The following ZNF407 variants were observed in gnomAD, a reference collection of about 807,000 sequenced individuals.
The protein encoded by ZNF407 is zinc finger protein 407.
A neutral mutation model predicts 131.2 loss-of-function variants in ZNF407; 17 were observed. The observed-to-expected ratio is 0.13, with a 90% confidence interval of 0.09 to 0.19. The LOEUF is 0.19. ZNF407 is among the 10% of genes least tolerant of loss of function. The pLI is 1.00. For synonymous variants in ZNF407, 1,156 were observed against 1,062.0 expected (o/e 1.09, Z -1.72); for missense variants, 2,681 against 2,830.6 (o/e 0.95, Z 1.20).
rs1240924436 is a variant in ZNF407, at chr18:74,633,649, A to G, written c.2630A>G (p.Tyr877Cys). 1.2e-6 allele frequency: 2 copies of G among 1,614,064 alleles called. No homozygotes were observed. Among genetic ancestry groups the G allele is most frequent in the East Asian group, 2.2e-5 (1 of 44,888 alleles). ...ATTAGACGAAAACACAGTCACCAGTATAGTTATTTATGCAAAGTGTGTAAG... is the reference window on the plus strand; with the variant it reads ...ATTAGACGAAAACACAGTCACCAGTGTAGTTATTTATGCAAAGTGTGTAAG... Reference protein sequence around the residue: ...VHIRRKHSHQYSYLCKVCKYY... With the variant: ...VHIRRKHSHQCSYLCKVCKYY... The change falls in exon 2 of 9, where the codon TAT becomes TGT. Residue 877 changes from tyrosine (Y) to cysteine (C), a missense_variant. Coordinates refer to ENST00000299687, the MANE Select transcript of ZNF407 (RefSeq NM_017757.3).
chr18:74,738,176 CT>C (rs1968461716), intron 3 of ZNF407, among the ~76,000 whole-genome samples: 1 of 152,028 alleles, frequency 6.6e-6, no homozygotes, highest in South Asian at 2.1e-4. Flanking sequence ...AATCCCAGCA[CT>C]TTGGGAGGCC....
At chr18:74,929,927 G>T (rs1018766456) in intron 8 of ZNF407, among the ~76,000 whole-genome samples, 3 of 152,192 alleles carry the variant, frequency 2.0e-5, no homozygotes, top group African/African-American at 7.2e-5. Context: ...TGCAGAAATA[G>T]TACAGAGAGT....
intron 8 of ZNF407, among the ~76,000 whole-genome samples, chr18:74,956,885 T>G (rs1972281645): frequency 6.6e-6 from 1 of 152,196 alleles, no homozygotes; most frequent in Non-Finnish European, 1.5e-5. Context: ...TCGTAATCAC[T>G]AAATTTTGTG....
chr18:74,876,107 A>T (rs1338473137), intron 4 of ZNF407, among the ~76,000 whole-genome samples: 1 of 152,208 alleles, frequency 6.6e-6, no homozygotes, highest in African/African-American at 2.4e-5. Context: ...TAAAGACTCT[A>T]TGTGAAAGTA....
chr18:74,636,653 A>G, intron 2 of ZNF407, among the ~76,000 whole-genome samples: 1 of 152,226 alleles, frequency 6.6e-6, no homozygotes, highest in Non-Finnish European at 1.5e-5. Flanking sequence ...GTGCATGGTT[A>G]CGAGGAAGAA....
intron 3 of ZNF407, among the ~76,000 whole-genome samples, chr18:74,681,092 C>A (rs565581559): frequency 5.9e-5 from 9 of 152,152 alleles, no homozygotes; most frequent in Admixed American, 2.6e-4. Flanking sequence ...GAGAAATGTA[C>A]ATAAAGGTTC....
intron 8 of ZNF407, among the ~76,000 whole-genome samples, chr18:75,004,184 C>A (rs115044854): frequency 6.6e-6 from 1 of 152,086 alleles, no homozygotes; most frequent in Non-Finnish European, 1.5e-5. Context: ...CCGCGGTGCA[C>A]GTCGTAGCAC....
At chr18:74,751,126 A>G (rs929562872) in intron 3 of ZNF407, among the ~76,000 whole-genome samples, 1 of 152,016 alleles carries the variant, frequency 6.6e-6, no homozygotes. Context: ...TTTAATTTTC[A>G]TGAATTTCAA....
chr18:74,679,181 C>T (rs1966923935), intron 3 of ZNF407, among the ~76,000 whole-genome samples: 3 of 152,170 alleles, frequency 2.0e-5, no homozygotes, highest in South Asian at 4.1e-4. Context: ...GCACAGGAAA[C>T]GTTAATTCTA....
chr18:74,656,088 A>G (rs919770704), intron 3 of ZNF407, among the ~76,000 whole-genome samples: 4 of 152,150 alleles, frequency 2.6e-5, no homozygotes, highest in African/African-American at 9.7e-5. Context: ...GCTTCTGTAT[A>G]CATTTATCAT....
chr18:74,711,321 G>A (rs1967756170), intron 3 of ZNF407, among the ~76,000 whole-genome samples: 1 of 152,168 alleles, frequency 6.6e-6, no homozygotes, highest in African/African-American at 2.4e-5. Flanking sequence ...AGTTGCAGTG[G>A]AATTTAAGGT....
intron 3 of ZNF407, among the ~76,000 whole-genome samples, chr18:74,698,858 G>T (rs1441504545): frequency 6.6e-6 from 1 of 152,046 alleles, no homozygotes; most frequent in Non-Finnish European, 1.5e-5. Flanking sequence ...CTCTTAATTT[G>T]TTCCCCTCTT....
At chr18:74,972,508 A>G (rs897401749) in intron 8 of ZNF407, among the ~76,000 whole-genome samples, 1 of 150,828 alleles carries the variant, frequency 6.6e-6, no homozygotes, top group Admixed American at 6.6e-5. Context: ...CCTTTCTTTC[A>G]CTCCCTGCTT....
At position 74,877,124 on chromosome 18, in the gene ZNF407, A is replaced by C. The variant is rs1599214857; in HGVS notation, c.4878-73A>C. 2.1e-6 allele frequency: 3 copies of C among 1,417,950 alleles called. No homozygotes were observed. The East Asian group carries it at 6.8e-5, about 32-fold the overall frequency. The allele number at this position is 1,417,950 out of a possible 1,614,324, so 87.8% of individuals were successfully genotyped here. On this transcript the variant is annotated intron_variant, in intron 4 of 8. Transcript: ENST00000299687. ...GTGTGCACCGCACCTCAGGGTTCGCACACGCGCTGCCTGGGGCCTTCGGTG... is the reference window on the plus strand; with the variant it reads ...GTGTGCACCGCACCTCAGGGTTCGCCCACGCGCTGCCTGGGGCCTTCGGTG...
intron 4 of ZNF407, among the ~76,000 whole-genome samples, chr18:74,846,984 A>G (rs539388071): frequency 3.1e-4 from 40 of 128,882 alleles, no homozygotes; most frequent in African/African-American, 1.0e-3. Flanking sequence ...ACAGAGCAAG[A>G]CTTAGTCTCA....
chr18:74,761,913 T>C (rs568152648), intron 3 of ZNF407, among the ~76,000 whole-genome samples: 1 of 152,306 alleles, frequency 6.6e-6, no homozygotes, highest in African/African-American at 2.4e-5. Flanking sequence ...TTTTGTCATG[T>C]GTAGCTTCTC....
At chr18:74,901,599 T>G (rs762734880) in intron 7 of ZNF407, among the ~76,000 whole-genome samples, 44 of 152,338 alleles carry the variant, frequency 2.9e-4, no homozygotes, top group Non-Finnish European at 4.0e-4. Flanking sequence ...AAGTGTGTCA[T>G]CTGGAACCAT....
At chr18:74,840,950 A>T (rs918430003) in intron 4 of ZNF407, among the ~76,000 whole-genome samples, 20 of 152,176 alleles carry the variant, frequency 1.3e-4, no homozygotes, top group African/African-American at 4.6e-4. Context: ...GTGAGAACAC[A>T]TGACTCATTT....
chr18:74,788,885 G>GATT (rs921379692), intron 4 of ZNF407, among the ~76,000 whole-genome samples: 3 of 150,856 alleles, frequency 2.0e-5, no homozygotes, highest in African/African-American at 7.3e-5. Flanking sequence ...AGGAAATACT[G>GATT]ATTATTATAT....
Sources: allele counts gnomAD v4.1 joint callset (sites outside exome capture counted in the v4.1 genomes callset), GRCh38; gene constraint gnomAD v4.1.1; transcripts MANE v1.5; gene names NCBI Gene and HGNC (gene_info 2026-07-23, HGNC 2026-07-21).